GLI2: variants seen among roughly 807,000 people sequenced by gnomAD.
GLI2 encodes the protein GLI family zinc finger 2, also known as transcription activator GLI2.
GLI2 carries 22 observed loss-of-function variants against 78.9 expected under a neutral mutation model. That is an observed-to-expected ratio of 0.28 (90% CI 0.20 to 0.40). The LOEUF is 0.40. Ranked by LOEUF, GLI2 falls within the 10% of genes least tolerant of loss-of-function variation. The pLI, the probability that GLI2 is intolerant of heterozygous loss-of-function variation, is 1.00. For synonymous variants in GLI2, 974 were observed against 963.7 expected (o/e 1.01, Z -0.20); for missense variants, 2,097 against 2,213.2 (o/e 0.95, Z 1.05).
chr2:120,887,629 C>T (rs1157403705), intron 2 of GLI2, among the ~76,000 whole-genome samples: 5 of 152,228 alleles, frequency 3.3e-5, no homozygotes, highest in Admixed American at 6.5e-5. Flanking sequence ...GATATGTACA[C>T]AGCAATCATT....
intron 2 of GLI2, among the ~76,000 whole-genome samples, chr2:120,822,142 C>G (rs1482858605): frequency 6.6e-6 from 1 of 152,232 alleles, no homozygotes; most frequent in Non-Finnish European, 1.5e-5. Flanking sequence ...CCTTGGAGTT[C>G]TTGTCTGTGC....
At chr2:120,736,836 C>G (rs1682373219) in intron 1 of GLI2, among the ~76,000 whole-genome samples, 1 of 150,974 alleles carries the variant, frequency 6.6e-6, no homozygotes, top group African/African-American at 2.4e-5. Context: ...CTCGCCCGGC[C>G]CGGCCGCCCC....
chr2:120,803,570 G>A (rs1684799561), intron 2 of GLI2, among the ~76,000 whole-genome samples: 1 of 152,176 alleles, frequency 6.6e-6, no homozygotes, highest in African/African-American at 2.4e-5. Flanking sequence ...GAGAGTGGTG[G>A]GTGCCCTGGG....
intron 3 of GLI2, among the ~76,000 whole-genome samples, chr2:120,932,339 T>C (rs1679983354): frequency 6.6e-6 from 1 of 152,152 alleles, no homozygotes; most frequent in South Asian, 2.1e-4. Context: ...TTGCACCTCC[T>C]GCTTTCCACT....
At chr2:120,957,329 T>C (rs1681322558) in intron 5 of GLI2, among the ~76,000 whole-genome samples, 1 of 152,206 alleles carries the variant, frequency 6.6e-6, no homozygotes, top group African/African-American at 2.4e-5. Flanking sequence ...CTGTAGGACA[T>C]TGACGTCCCT....
intron 2 of GLI2, among the ~76,000 whole-genome samples, chr2:120,850,581 TGAATGCA>T (rs1443540300): frequency 6.6e-6 from 1 of 152,138 alleles, no homozygotes; most frequent in Non-Finnish European, 1.5e-5. Flanking sequence ...AGGGAGTAAG[TGAATGCA>T]GGGAAGACCT....
At chr2:120,853,266 G>A (rs1032852637) in intron 2 of GLI2, among the ~76,000 whole-genome samples, 1 of 152,210 alleles carries the variant, frequency 6.6e-6, no homozygotes, top group African/African-American at 2.4e-5. Flanking sequence ...GCACAAAGGT[G>A]TGAGGCATGG....
In GLI2 at chr2:120,872,816, C is replaced by T. The variant is rs1483176900; in HGVS notation, c.149-54545C>T. 2.0e-5 allele frequency among the ~76,000 whole-genome samples: 3 copies of T among 152,210 alleles called. No homozygotes were observed. In the East Asian group the frequency reaches 5.8e-4, roughly 29 times the overall value. On this transcript the variant is annotated intron_variant, in intron 2 of 13. Coordinates refer to ENST00000361492, the MANE Select transcript of GLI2 (RefSeq NM_001374353.1). ...TGAAACACTCAGCATAGTACTAGCC[C>T]ATGGTAAGGGCTCAGATATGTCACT...
chr2:120,949,290 C>T (rs928395110), intron 3 of GLI2, among the ~76,000 whole-genome samples: 3 of 152,248 alleles, frequency 2.0e-5, no homozygotes, highest in African/African-American at 7.2e-5. Flanking sequence ...TGAGTGAGAA[C>T]GTCTTGAGGT....
At position 120,968,812 on chromosome 2, in the gene GLI2, A is replaced by G. The variant is rs762762887; in HGVS notation, c.742A>G (p.Met248Val). The G allele has an allele frequency of 1.9e-6, 3 of 1,613,644 alleles. No individual in the cohort carries two copies. In the South Asian group the frequency reaches 3.3e-5, roughly 18 times the overall value. Residue 248 changes from methionine (M) to valine (V), a missense_variant, in exon 6 of 14, where the codon ATG (methionine) becomes GTG (valine). Physicochemically the swap from Met to Val is conservative, Grantham distance 21. Around this residue, in one of 5 missense-constraint regions of GLI2, gnomAD observed 578 missense variants for 612.0 expected, o/e 0.94. Transcript: ENST00000361492. ...LSDASLDLQR[M>V]IRTSPNSLVA... The stretch of plus-strand genomic sequence containing the variant: ...AGACGCCAGCCTGGACCTGCAGCGG[A>G]TGATCCGCACCTCACCCAACTCGCT...
At chr2:120,950,891 C>G (rs1459904209) in intron 3 of GLI2, among the ~76,000 whole-genome samples, 2 of 152,238 alleles carry the variant, frequency 1.3e-5, no homozygotes, top group Admixed American at 1.3e-4. Context: ...CTGTGCCTAG[C>G]CCCGAGGAGG....
intron 5 of GLI2, among the ~76,000 whole-genome samples, chr2:120,964,997 G>A (rs1324375374): frequency 6.6e-6 from 1 of 152,262 alleles, no homozygotes; most frequent in Admixed American, 6.5e-5. Context: ...GGTTTGCTTG[G>A]AGGATGGTGG....
chr2:120,924,429 CTT>C (rs1679559251), intron 2 of GLI2, among the ~76,000 whole-genome samples: 1 of 152,076 alleles, frequency 6.6e-6, no homozygotes, highest in Non-Finnish European at 1.5e-5. Context: ...AGTCCTGTGA[CTT>C]TGGGCAAGGC....
chr2:120,961,326 G>C (rs1427722327), intron 5 of GLI2, among the ~76,000 whole-genome samples: 3 of 152,202 alleles, frequency 2.0e-5, no homozygotes. Context: ...AGCTGGTAGA[G>C]GGGCTGCCAG....
At chr2:120,983,317 CG>C (rs1394136923) in intron 11 of GLI2, among the ~76,000 whole-genome samples, 6 of 152,072 alleles carry the variant, frequency 3.9e-5, no homozygotes, top group Admixed American at 3.3e-4. Context: ...GATGAGGAAA[CG>C]AAGACTCAGA....
At chr2:120,886,759 C>T (rs570379655) in intron 2 of GLI2, among the ~76,000 whole-genome samples, 17 of 152,342 alleles carry the variant, frequency 1.1e-4, no homozygotes, top group Admixed American at 7.8e-4. Flanking sequence ...GGCCCCAAGC[C>T]GCACCTGGTG....
rs550379509 is a variant in GLI2 at position 120,881,612 on chromosome 2, G to A, written c.149-45749G>A. Among the ~76,000 whole-genome samples the A allele has an allele frequency of 1.2e-3, 114 of 93,200 alleles. 1 individual carries two copies. Among genetic ancestry groups the A allele is most frequent in the African/African-American group, 5.0e-3 (111 of 22,124 alleles). 61.1% of individuals were successfully genotyped at this position (93,200 alleles called of 152,430 possible). ...TGGGAGGATAGCTGGGGTGGCGGGG[G>A]GGAGGACAGGTGGGGGAGGACAGTG... On this transcript the variant is annotated intron_variant, in intron 2 of 13. Coordinates refer to ENST00000361492, the MANE Select transcript of GLI2 (RefSeq NM_001374353.1).
At chr2:120,794,217 A>T (rs1558799110) in intron 1 of GLI2, among the ~76,000 whole-genome samples, 1 of 152,144 alleles carries the variant, frequency 6.6e-6, no homozygotes. Context: ...GTGACGTCTG[A>T]GTGGCATCTT....
At chr2:120,785,654 A>G (rs181152110) in intron 1 of GLI2, among the ~76,000 whole-genome samples, 1,567 of 152,312 alleles carry the variant, frequency 0.01, 16 homozygotes, top group Non-Finnish European at 0.015. Flanking sequence ...CCACCCATGG[A>G]GAGGGTGACC....
Sources: gnomAD v4.1 joint callset for allele counts (sites outside exome capture counted in the v4.1 genomes callset) on GRCh38, gnomAD v4.1.1 for gene constraint, gnomAD v4.1.1 regional missense constraint, MANE v1.5 for transcripts, NCBI Gene and HGNC (gene_info 2026-07-23, HGNC 2026-07-21) for gene names.